Variants in GREB1L observed in about 807,000 individuals in gnomAD.
GREB1L encodes the protein GREB1-like protein.
In GREB1L, 17 loss-of-function variants were observed where a neutral mutation model predicts 200.8. The observed-to-expected ratio is 0.08, with a 90% CI of 0.06 to 0.13. The LOEUF is 0.13. Among genes scored for constraint, GREB1L ranks in the 10% least tolerant of loss-of-function variants. The pLI is 1.00. For synonymous variants in GREB1L, 789 were observed against 893.0 expected (o/e 0.88, Z 2.08); for missense variants, 1,657 against 2,367.7 (o/e 0.70, Z 6.23).
At chr18:21,347,617 G>A (rs995701976) in intron 1 of GREB1L, among the ~76,000 whole-genome samples, 2 of 151,394 alleles carry the variant, frequency 1.3e-5, no homozygotes, top group African/African-American at 4.9e-5. Flanking sequence ...CACCATGCCT[G>A]GTTAATTTTT....
At chr18:21,394,330 A>C (rs2040953274) in intron 4 of GREB1L, among the ~76,000 whole-genome samples, 1 of 152,220 alleles carries the variant, frequency 6.6e-6, no homozygotes, top group Admixed American at 6.5e-5. Context: ...TACAGACGGA[A>C]TCATTCCCCA....
chr18:21,278,394 AAATAAATAAATAAAT>A (rs1567919397), intron 1 of GREB1L, among the ~76,000 whole-genome samples: 9 of 111,994 alleles, frequency 8.0e-5, no homozygotes, highest in Non-Finnish European at 1.2e-4. Flanking sequence ...AAAAAAAAAT[AAATAAATAAATAAAT>A]AAATAAATAA....
At chr18:21,256,340 T>C (rs2037797879) in intron 1 of GREB1L, among the ~76,000 whole-genome samples, 1 of 152,166 alleles carries the variant, frequency 6.6e-6, no homozygotes. Context: ...GTTAAGATCT[T>C]GGCAACATTA....
rs369873292 is a variant in GREB1L at position 21,394,753 on chromosome 18, G to GT, written c.356-631dup. On this transcript the variant is annotated intron_variant, in intron 4 of 32. Coordinates refer to ENST00000424526, the MANE Select transcript of GREB1L (RefSeq NM_001142966.3). ...AATTTGGATTGGAAGTAAAATAATC[G>GT]TATTACATGCACATAAAAACTACGT... Among the ~76,000 whole-genome samples, 33 of 151,918 alleles carry GT rather than the reference G, an allele frequency of 2.2e-4. No homozygotes were observed. In the East Asian group the frequency reaches 6.4e-3, roughly 29 times the overall value.
intron 1 of GREB1L, among the ~76,000 whole-genome samples, chr18:21,299,371 G>A (rs759765883): frequency 6.6e-6 from 1 of 151,670 alleles, no homozygotes; most frequent in Non-Finnish European, 1.5e-5. Flanking sequence ...AAAATATTCG[G>A]ATCTTTTTGT....
intron 1 of GREB1L, among the ~76,000 whole-genome samples, chr18:21,274,493 C>A (rs2038129790): frequency 6.6e-6 from 1 of 152,156 alleles, no homozygotes; most frequent in African/African-American, 2.4e-5. Flanking sequence ...TCACTGCAGT[C>A]TCCACTTCCC....
At chr18:21,480,221 GGCAC>G (rs1004948927) in intron 17 of GREB1L, among the ~76,000 whole-genome samples, 1 of 152,084 alleles carries the variant, frequency 6.6e-6, no homozygotes, top group African/African-American at 2.4e-5. Context: ...TGTGGTGGCA[GGCAC>G]CTGTAATCCC....
Position 21,278,397 on chromosome 18 carries a change from T to TAAAA in GREB1L, c.-120+36007_-120+36008insAAAA, listed in dbSNP as rs1347587699. Among the ~76,000 whole-genome samples the TAAAA allele has an allele frequency of 1.1e-4, 13 of 116,568 alleles. 1 individual carries two copies. Among genetic ancestry groups the TAAAA allele is most frequent in the Admixed American group, 1.1e-3 (12 of 11,354 alleles). The allele number at this position is 116,568 out of a possible 152,430, so 76.5% of individuals were successfully genotyped here. On this transcript the variant is annotated intron_variant, in intron 1 of 32. Transcript: ENST00000424526. ...CTCCATCTCAAAAAAAAAAAATAAA[T>TAAAA]AAATAAATAAATAAATAAATAAATA...
At chr18:21,318,002 G>A (rs577474070) in intron 1 of GREB1L, among the ~76,000 whole-genome samples, 8 of 151,826 alleles carry the variant, frequency 5.3e-5, no homozygotes, top group African/African-American at 1.2e-4. Flanking sequence ...CAGCTACTCC[G>A]GAGGCTGAAG....
intron 18 of GREB1L, 104 bp downstream of exon 18, chr18:21,485,857 C>A: frequency 8.9e-7 from 1 of 1,128,902 alleles, no homozygotes; most frequent in Non-Finnish European, 1.2e-6. Context: ...TTGATGGAGC[C>A]CTTGCAGATG....
At chr18:21,281,916 T>C (rs2144456912) in intron 1 of GREB1L, among the ~76,000 whole-genome samples, 1 of 152,286 alleles carries the variant, frequency 6.6e-6, no homozygotes, top group East Asian at 1.9e-4. Context: ...AATTTCCCAC[T>C]AACCAGCCAA....
At chr18:21,327,378 C>T (rs773547103) in intron 1 of GREB1L, among the ~76,000 whole-genome samples, 1 of 152,108 alleles carries the variant, frequency 6.6e-6, no homozygotes, top group African/African-American at 2.4e-5. Context: ...GTCACTAAAC[C>T]CTGTCGACTC....
intron 15 of GREB1L, among the ~76,000 whole-genome samples, chr18:21,459,279 CTTT>C (rs746568414): frequency 5.8e-5 from 5 of 85,930 alleles, no homozygotes; most frequent in African/African-American, 2.5e-4. Context: ...TTTTTCTTTA[CTTT>C]TTTTTTTTTT....
At chr18:21,287,793 C>CT (rs534899512) in intron 1 of GREB1L, among the ~76,000 whole-genome samples, 3,132 of 133,290 alleles carry the variant, frequency 0.023, 45 homozygotes, top group Non-Finnish European at 0.028. Flanking sequence ...AGTTTAAAAT[C>CT]TTTTTTTTTT....
At chr18:21,462,964 A>G (rs2035108237) in intron 15 of GREB1L, among the ~76,000 whole-genome samples, 2 of 152,290 alleles carry the variant, frequency 1.3e-5, no homozygotes, top group Admixed American at 1.3e-4. Context: ...TAATTTTTTA[A>G]CAGTTTTCTT....
chr18:21,343,807 C>T (rs928636418), intron 1 of GREB1L, among the ~76,000 whole-genome samples: 5 of 144,560 alleles, frequency 3.5e-5, no homozygotes, highest in Non-Finnish European at 7.5e-5. Flanking sequence ...ACTGTCTTGG[C>T]TCAGTGCAAC....
At chr18:21,258,734 A>G (rs2144079325) in intron 1 of GREB1L, among the ~76,000 whole-genome samples, 1 of 152,310 alleles carries the variant, frequency 6.6e-6, no homozygotes, top group East Asian at 1.9e-4. Flanking sequence ...TTGTTTTTGA[A>G]TTACACAAAA....
intron 30 of GREB1L, among the ~76,000 whole-genome samples, chr18:21,517,761 T>C (rs938224110): frequency 2.0e-5 from 3 of 152,274 alleles, no homozygotes; most frequent in Admixed American, 6.5e-5. Context: ...AGGCTTCCGA[T>C]TGGATCTCAC....
Position 21,525,078 on chromosome 18 carries a change from G to T in GREB1L, c.*2257G>T, listed in dbSNP as rs1027569308. The T allele has an allele frequency of 1.3e-5, 2 of 151,300 alleles. No individual in the cohort carries two copies. The highest frequency in any genetic ancestry group is 2.9e-5 in the Non-Finnish European group (2 of 67,906). 9.4% of individuals were successfully genotyped at this position (151,300 alleles called of 1,614,324 possible). ...GCAATCCCTTAGGACACTGATGTGG[G>T]ATGAATGGATTCGCTAGGCCCACAC... On this transcript the variant is annotated 3_prime_UTR_variant, in exon 33 of 33. Transcript: ENST00000424526.
Sources: gnomAD v4.1 joint callset for allele counts (sites outside exome capture counted in the v4.1 genomes callset) on GRCh38, gnomAD v4.1.1 for gene constraint, MANE v1.5 for transcripts, NCBI Gene and HGNC (gene_info 2026-07-23, HGNC 2026-07-21) for gene names.